The following NF1 variants were observed in gnomAD, a reference collection of about 807,000 sequenced individuals.
NF1 encodes neurofibromin 1.
NF1 carries 122 observed loss-of-function variants against 325.7 expected under a neutral mutation model. The ratio of observed to expected loss-of-function variants is 0.37; its 90% CI spans 0.32 to 0.44. The LOEUF (loss-of-function observed/expected upper bound fraction) is 0.44. Ranked by LOEUF, NF1 falls within the 20% of genes least tolerant of loss-of-function variation. NF1 has a pLI of 1.00. For missense variants in NF1, 2,140 were observed against 3,415.4 expected (o/e 0.63, Z 9.31); for synonymous variants, 1,091 against 1,186.0 (o/e 0.92, Z 1.65).
chr17:31,260,400 A>G lies in NF1; in HGVS notation c.4462A>G (p.Thr1488Ala), dbSNP rs876660162. ...FFLDIASDCP[T>A]SDAVNHSLSF... The stretch of plus-strand genomic sequence containing the variant: ...CCTTGATATAGCATCTGATTGTCCT[A>G]CAAGTGATGCAGTAAATCATAGTCT... Residue 1488 changes from threonine to alanine, a missense_variant, in exon 34 of 58, where the codon ACA becomes GCA. Around this residue, in one of 10 missense-constraint regions of NF1, gnomAD observed 336 missense variants for 399.0 expected, o/e 0.84. Transcript: ENST00000358273. 5.0e-6 allele frequency: 8 copies of G among 1,613,992 alleles called. No homozygotes were observed. The South Asian group carries it at 7.7e-5, about 16-fold the overall frequency.
chr17:31,255,156 G>T (rs1481465639), intron 31 of NF1, among the ~76,000 whole-genome samples: 2 of 152,160 alleles, frequency 1.3e-5, no homozygotes, highest in African/African-American at 4.8e-5. Flanking sequence ...GGAGAATGCA[G>T]TAACTAAGCA....
At chr17:31,217,144 A>G (rs2066832600) in intron 13 of NF1, among the ~76,000 whole-genome samples, 1 of 152,220 alleles carries the variant, frequency 6.6e-6, no homozygotes, top group Non-Finnish European at 1.5e-5. Context: ...GGCATTCAAT[A>G]AAAATGATTT....
intron 32 of NF1, among the ~76,000 whole-genome samples, chr17:31,258,709 G>A (rs2067628775): frequency 6.6e-6 from 1 of 152,030 alleles, no homozygotes; most frequent in South Asian, 2.1e-4. Context: ...TTTTATTATA[G>A]CAGATGTCTT....
At chr17:31,222,844 T>C (rs1007744271) in intron 15 of NF1, 11 of 156,282 alleles carry the variant, frequency 7.0e-5, no homozygotes, top group African/African-American at 2.6e-4. Context: ...TGTGGCTGGC[T>C]AGTGGCTACC....
chr17:31,295,703 G>T (rs564990375), intron 36 of NF1: 1 of 1,614,180 alleles, frequency 6.2e-7, no homozygotes, highest in African/African-American at 1.3e-5. Context: ...TTGGTCAAAA[G>T]ATTGGTCTGG....
rs2151461713 is a variant in NF1, at chr17:31,258,337, T to G, written c.4174-7T>G. On this transcript the variant is annotated splice_region_variant and splice_polypyrimidine_tract_variant and intron_variant, in intron 31 of 57. Coordinates refer to ENST00000358273, the MANE Select transcript of NF1 (RefSeq NM_001042492.3). ...CTTATACTCAATTCTCAACTCCTTGTTTTTAGGTGGTTAGCCAGCGTTTCC... is the reference window on the plus strand; with the variant it reads ...CTTATACTCAATTCTCAACTCCTTGGTTTTAGGTGGTTAGCCAGCGTTTCC... 6.2e-7 allele frequency: 1 copy of G among 1,613,684 alleles called. No homozygotes were observed. Among genetic ancestry groups the G allele is most frequent in the Non-Finnish European group, 8.5e-7 (1 of 1,179,690 alleles).
intron 56 of NF1, chr17:31,359,293 C>G (rs576488561): frequency 2.3e-6 from 1 of 433,744 alleles, no homozygotes; most frequent in South Asian, 2.5e-5. Flanking sequence ...TGCCACAGTC[C>G]CTTGTGTATT....
chr17:31,165,517 G>A (rs1274606782), intron 4 of NF1, among the ~76,000 whole-genome samples: 1 of 152,092 alleles, frequency 6.6e-6, no homozygotes, highest in African/African-American at 2.4e-5. Flanking sequence ...TGGCTTGAAT[G>A]GTAGTTCTTT....
At chr17:31,270,860 A>G (rs1266492956) in intron 36 of NF1, among the ~76,000 whole-genome samples, 2 of 152,238 alleles carry the variant, frequency 1.3e-5, no homozygotes, top group Non-Finnish European at 2.9e-5. Flanking sequence ...ACTGAAACCC[A>G]AACATGGCTA....
At chr17:31,319,127 C>T in intron 36 of NF1, 6 of 1,197,156 alleles carry the variant, frequency 5.0e-6, no homozygotes, top group African/African-American at 1.5e-5. Context: ...AAGTAAACTA[C>T]AAGCTTATGC....
rs1015725873 is a variant in NF1 at position 31,098,955 on chromosome 17, A to G, written c.60+3586A>G. Among the ~76,000 whole-genome samples the G allele has an allele frequency of 4.0e-5, 6 of 151,232 alleles. No homozygotes were observed. In the East Asian group the frequency reaches 5.8e-4, roughly 15 times the overall value. On this transcript the variant is annotated intron_variant, in intron 1 of 57. Coordinates refer to ENST00000358273, the MANE Select transcript of NF1 (RefSeq NM_001042492.3). The stretch of plus-strand genomic sequence containing the variant: ...TCAGAAAAAAAAAAAAAAAAAAAGA[A>G]TCTTAATAGTTTCAACTGTTTATAA...
intron 24 of NF1, among the ~76,000 whole-genome samples, chr17:31,231,460 G>C: frequency 6.6e-6 from 1 of 151,690 alleles, no homozygotes; most frequent in East Asian, 1.9e-4. Context: ...TCTCTGTCAG[G>C]GATTGGTTCC....
chr17:31,139,412 A>G (rs1916050754), intron 1 of NF1, among the ~76,000 whole-genome samples: 1 of 150,358 alleles, frequency 6.7e-6, no homozygotes, highest in African/African-American at 2.5e-5. Flanking sequence ...ACACACACAC[A>G]CGGTAACTGT....
At chr17:31,359,068 AATT>A in intron 56 of NF1, 53 bp downstream of exon 56, 1 of 1,395,284 alleles carries the variant, frequency 7.2e-7, no homozygotes, top group Non-Finnish European at 1.0e-6. Context: ...TTTCTGTTCA[AATT>A]AGTATGCCTG....
At chr17:31,206,548 TC>T (rs2066626877) in intron 12 of NF1, among the ~76,000 whole-genome samples, 177 bp downstream of exon 12, 2 of 152,202 alleles carry the variant, frequency 1.3e-5, no homozygotes, top group Admixed American at 1.3e-4. Context: ...ATGTTTGTTT[TC>T]CACTGTTTCC....
At chr17:31,141,474 T>C (rs1210964002) in intron 1 of NF1, among the ~76,000 whole-genome samples, 1 of 152,174 alleles carries the variant, frequency 6.6e-6, no homozygotes, top group Non-Finnish European at 1.5e-5. Context: ...TGATGGCCTT[T>C]TAGTTAGAAT....
At chr17:31,290,128 G>A (rs2068317263) in intron 36 of NF1, among the ~76,000 whole-genome samples, 1 of 151,730 alleles carries the variant, frequency 6.6e-6, no homozygotes, top group East Asian at 1.9e-4. Flanking sequence ...CTCCTTTATA[G>A]CATCTTATTT....
intron 5 of NF1, among the ~76,000 whole-genome samples, chr17:31,170,450 A>G (rs1392808183): frequency 3.9e-5 from 6 of 152,198 alleles, no homozygotes; most frequent in Non-Finnish European, 8.8e-5. Context: ...CAGAGATTTC[A>G]TTTCTGACAT....
rs2151541286 is a variant in NF1 at position 31,327,646 on chromosome 17, C to T, written c.5416C>T (p.Gln1806Ter). 6.2e-7 allele frequency: 1 copy of T among 1,614,106 alleles called. No individual in the cohort carries two copies. The highest frequency in any genetic ancestry group is 8.5e-7 in the Non-Finnish European group (1 of 1,180,012). The change falls in exon 38 of 58, where the codon CAG becomes TAG. Residue 1806 changes from glutamine (Q) to a stop codon, truncating the protein, a stop_gained. Transcript: ENST00000358273. LOFTEE classifies it high-confidence loss of function. Reference sequence around the variant, plus strand: ...CCAGTTCACCTTAACCATTGCAAACCAGGGCACGCCGCTCACCTTCATGCA... The same window carrying T: ...CCAGTTCACCTTAACCATTGCAAACTAGGGCACGCCGCTCACCTTCATGCA... ...ENQFTLTIAN[Q>*]GTPLTFMHQE...
Sources: gnomAD v4.1 joint callset for allele counts (sites outside exome capture counted in the v4.1 genomes callset) on GRCh38, gnomAD v4.1.1 for gene constraint, gnomAD v4.1.1 regional missense constraint, MANE v1.5 for transcripts, NCBI Gene and HGNC (gene_info 2026-07-23, HGNC 2026-07-21) for gene names.